Variants in NDUFAF6 observed in about 807,000 individuals in gnomAD.
NDUFAF6 encodes the protein NADH:ubiquinone oxidoreductase complex assembly factor 6.
A neutral mutation model predicts 40.8 loss-of-function variants in NDUFAF6; 45 were observed. The ratio of observed to expected loss-of-function variants is 1.10; its 90% CI spans 0.87 to 1.42. The LOEUF (loss-of-function observed/expected upper bound fraction) is 1.42. NDUFAF6 is among the 40% of genes most tolerant of loss of function. NDUFAF6 has a pLI of 0.00. For synonymous variants in NDUFAF6, 185 were observed against 155.9 expected, an observed-to-expected ratio of 1.19 and a Z score of -1.39; for missense variants, 435 against 418.5, an observed-to-expected ratio of 1.04 and a Z score of -0.34.
intron 2 of NDUFAF6, among the ~76,000 whole-genome samples, chr8:95,032,467 A>G (rs1293860275): frequency 6.6e-6 from 1 of 152,222 alleles, no homozygotes; most frequent in Non-Finnish European, 1.5e-5. Flanking sequence ...AGCATTTTTT[A>G]AATTGAGGTT....
intron 2 of NDUFAF6, among the ~76,000 whole-genome samples, chr8:95,014,141 G>A (rs1180322277): frequency 6.6e-6 from 1 of 152,202 alleles, no homozygotes; most frequent in Admixed American, 6.5e-5. Flanking sequence ...CCAGAACTGT[G>A]AGACAACAAT....
At chr8:95,087,273 C>T (rs1483225207) in intron 2 of NDUFAF6, among the ~76,000 whole-genome samples, 1 of 152,160 alleles carries the variant, frequency 6.6e-6, no homozygotes, top group Non-Finnish European at 1.5e-5. Flanking sequence ...GTTTTCCCTC[C>T]CCACCCACTG....
At chr8:95,068,481 C>T (rs550892844) in intron 9 of NDUFAF6, 1 of 152,016 alleles carries the variant, frequency 6.6e-6, no homozygotes, top group South Asian at 2.1e-4. Context: ...AGTGAATCCC[C>T]ATTTCACAGA....
chr8:94,929,870 T>C (rs1820222889), intron 1 of NDUFAF6: 2 of 152,742 alleles, frequency 1.3e-5, no homozygotes, highest in African/African-American at 2.4e-5. Flanking sequence ...TAAAGCTTAA[T>C]GTACCTGAAT....
intron 1 of NDUFAF6, among the ~76,000 whole-genome samples, chr8:94,935,541 A>G (rs1267347612): frequency 6.6e-6 from 1 of 152,240 alleles, no homozygotes; most frequent in Non-Finnish European, 1.5e-5. Flanking sequence ...AGACAGATTG[A>G]TTAATCAAGA....
chr8:95,052,292 A>G (rs958685869), intron 8 of NDUFAF6, 62 bp downstream of exon 8: 1 of 1,546,352 alleles, frequency 6.5e-7, no homozygotes, highest in Non-Finnish European at 8.9e-7. Flanking sequence ...ATCTGTTTTT[A>G]TATTTTATAA....
intron 2 of NDUFAF6, among the ~76,000 whole-genome samples, chr8:95,095,052 C>T (rs1809409467): frequency 6.6e-6 from 1 of 152,060 alleles, no homozygotes; most frequent in African/African-American, 2.4e-5. Flanking sequence ...CCATGCCTGG[C>T]CCACATTTTT....
At chr8:94,946,696 C>CAAA (rs71273438) in intron 2 of NDUFAF6, among the ~76,000 whole-genome samples, 7,567 of 34,612 alleles carry the variant, frequency 0.22, 1,858 homozygotes, top group Admixed American at 0.3. Flanking sequence ...GACCCTGTCT[C>CAAA]AAAAAAAAAA....
chr8:94,926,525 C>G (rs1819916741), intron 1 of NDUFAF6: 1 of 152,026 alleles, frequency 6.6e-6, no homozygotes, highest in African/African-American at 2.4e-5. Context: ...TCTAACCTCC[C>G]CAGGTACTGG....
At chr8:95,047,745 G>T (rs550309051) in intron 6 of NDUFAF6, among the ~76,000 whole-genome samples, 1 of 151,900 alleles carries the variant, frequency 6.6e-6, no homozygotes, top group African/African-American at 2.4e-5. Flanking sequence ...TCCTGAACTC[G>T]TGATTCGCTT....
chr8:95,052,197 T>G lies in NDUFAF6; in HGVS notation c.840T>G (p.Val280=). ...AGGCTAGGTCCTTTCACAAAACTGTTCCTGTGAAAGCATTTCCTGCTTTTC... is the reference window on the plus strand; with the variant it reads ...AGGCTAGGTCCTTTCACAAAACTGTGCCTGTGAAAGCATTTCCTGCTTTTC... ...LKHARSFHKT[V]PVKAFPAFLQ... Residue 280 remains valine (V), a synonymous_variant, in exon 8 of 9, where the codon GTT becomes GTG. Coordinates refer to ENST00000396124, the MANE Select transcript of NDUFAF6 (RefSeq NM_152416.4). The G allele has an allele frequency of 6.2e-7, 1 of 1,614,154 alleles. No individual in the cohort carries two copies. Among genetic ancestry groups the G allele is most frequent in the Non-Finnish European group, 8.5e-7 (1 of 1,179,994 alleles).
intron 2 of NDUFAF6, among the ~76,000 whole-genome samples, chr8:94,999,344 G>A (rs574053359): frequency 1.3e-5 from 2 of 152,122 alleles, no homozygotes; most frequent in African/African-American, 4.8e-5. Context: ...GGATCGTCTC[G>A]ATCTCTTGAC....
intron 1 of NDUFAF6, chr8:94,930,837 A>G: frequency 1.6e-6 from 2 of 1,238,678 alleles, no homozygotes; most frequent in South Asian, 3.0e-5. Flanking sequence ...TTATGGCTGA[A>G]TGAGAGCTTG....
Position 95,051,436 on chromosome 8 carries a change from C to T in NDUFAF6, c.817-738C>T, listed in dbSNP as rs1378952383. 2.0e-5 allele frequency among the ~76,000 whole-genome samples: 3 copies of T among 152,078 alleles called. No homozygotes were observed. In the East Asian group the frequency reaches 5.8e-4, roughly 29 times the overall value. ...ATCATGGATGATCATAGAGTAATTT[C>T]AGTAGATGGTTGGGGGTCAAACTGG... On this transcript the variant is annotated intron_variant, in intron 7 of 8. Coordinates refer to ENST00000396124, the MANE Select transcript of NDUFAF6 (RefSeq NM_152416.4).
At chr8:95,021,672 A>C (rs1485634381), upstream of NDUFAF6, among the ~76,000 whole-genome samples, 2 of 152,210 alleles carry the variant, frequency 1.3e-5, no homozygotes, top group African/African-American at 2.4e-5. Context: ...CTGGACCATT[A>C]AGGGACAGCA....
chr8:94,949,220 G>GGGC (rs1238619674), intron 2 of NDUFAF6: 2 of 150,386 alleles, frequency 1.3e-5, no homozygotes, highest in Non-Finnish European at 3.0e-5. Flanking sequence ...GGAAGGACGC[G>GGGC]GGCGGGGCGG....
chr8:94,940,251 G>A lies in NDUFAF6; in HGVS notation c.-935-5232G>A, dbSNP rs540138398. ...TCGTAGTCCACATTGCAGTCCACAT[G>A]TGTTGTTGAAGAGTCCCACAGGAGG... On this transcript the variant is annotated intron_variant, in intron 1 of 14. Coordinates refer to the NDUFAF6 transcript ENST00000396113. 2.0e-5 allele frequency: 31 copies of A among 1,565,172 alleles called. No individual in the cohort carries two copies. The East Asian group carries it at 5.4e-4, about 27-fold the overall frequency.
At chr8:94,912,414 T>A (rs912210798) in intron 1 of NDUFAF6, among the ~76,000 whole-genome samples, 1 of 152,194 alleles carries the variant, frequency 6.6e-6, no homozygotes, top group African/African-American at 2.4e-5. Flanking sequence ...TGGCAGGGTC[T>A]AAGGTAACAC....
chr8:94,986,464 C>A (rs972833196), intron 2 of NDUFAF6, among the ~76,000 whole-genome samples: 2 of 152,044 alleles, frequency 1.3e-5, no homozygotes, highest in African/African-American at 2.4e-5. Flanking sequence ...AAATTGTCAC[C>A]AAAATTAAAA....
Sources: allele counts gnomAD v4.1 joint callset (sites outside exome capture counted in the v4.1 genomes callset), GRCh38; gene constraint gnomAD v4.1.1; transcripts MANE v1.5; gene names NCBI Gene and HGNC (gene_info 2026-07-23, HGNC 2026-07-21).